Variants in WDPCP observed in about 807,000 individuals in gnomAD.
WDPCP encodes WD repeat containing planar cell polarity effector.
A neutral mutation model predicts 93.1 loss-of-function variants in WDPCP; 71 were observed. The observed-to-expected ratio is 0.76, with a 90% CI of 0.63 to 0.93. The LOEUF (loss-of-function observed/expected upper bound fraction) is 0.93. Ranked by LOEUF, WDPCP falls within the 40% of genes least tolerant of loss-of-function variation. WDPCP has a pLI of 0.00. For synonymous variants in WDPCP, 315 were observed against 315.0 expected, an observed-to-expected ratio of 1.00 and a Z score of 0.00; for missense variants, 844 against 887.4, an observed-to-expected ratio of 0.95 and a Z score of 0.62.
chr2:63,553,057 AT>A (rs1258167164), intron 1 of WDPCP, among the ~76,000 whole-genome samples: 1 of 152,214 alleles, frequency 6.6e-6, no homozygotes, highest in Non-Finnish European at 1.5e-5. Flanking sequence ...AAGGAAAAGC[AT>A]CCAACAGACT....
At chr2:63,176,860 A>G (rs1278591526) in intron 14 of WDPCP, among the ~76,000 whole-genome samples, 2 of 152,062 alleles carry the variant, frequency 1.3e-5, no homozygotes, top group Admixed American at 6.6e-5. Flanking sequence ...GCTTTTCTCT[A>G]ATGTTTTCTT....
intron 1 of WDPCP, among the ~76,000 whole-genome samples, chr2:63,497,422 G>C (rs1489653043): frequency 2.0e-5 from 3 of 152,176 alleles, no homozygotes; most frequent in African/African-American, 7.2e-5. Flanking sequence ...AGGGGGCTTT[G>C]CAAGTGGTCA....
intron 2 of WDPCP, among the ~76,000 whole-genome samples, chr2:63,762,025 C>T (rs149827076): frequency 4.6e-5 from 7 of 152,164 alleles, no homozygotes; most frequent in Non-Finnish European, 7.3e-5. Flanking sequence ...AAAGTCTTAG[C>T]GTGGTTCTTC....
At chr2:63,734,713 A>G (rs1281157427) in intron 2 of WDPCP, among the ~76,000 whole-genome samples, 2 of 152,254 alleles carry the variant, frequency 1.3e-5, no homozygotes, top group African/African-American at 4.8e-5. Context: ...CCATGGCAAA[A>G]TGCATGAAAG....
intron 15 of WDPCP, among the ~76,000 whole-genome samples, chr2:63,169,015 G>A (rs2103960492): frequency 6.6e-6 from 1 of 151,888 alleles, no homozygotes; most frequent in East Asian, 1.9e-4. Context: ...CCAACTATTG[G>A]CTATACAACC....
intron 12 of WDPCP, among the ~76,000 whole-genome samples, chr2:63,330,391 T>C (rs543654822): frequency 2.6e-5 from 4 of 152,344 alleles, no homozygotes; most frequent in African/African-American, 7.2e-5. Flanking sequence ...TTTGGAAAGA[T>C]GTTTATTCAG....
intron 2 of WDPCP, among the ~76,000 whole-genome samples, chr2:63,730,547 T>C (rs1370024333): frequency 3.9e-5 from 6 of 152,114 alleles, no homozygotes; most frequent in South Asian, 4.1e-4. Context: ...CACTGCAACC[T>C]CCTCCTCCCG....
chr2:63,496,558 G>A (rs1161320237), intron 1 of WDPCP, among the ~76,000 whole-genome samples: 2 of 152,162 alleles, frequency 1.3e-5, no homozygotes, highest in African/African-American at 4.8e-5. Flanking sequence ...TTGAACATGG[G>A]AAATCCTGAG....
intron 14 of WDPCP, among the ~76,000 whole-genome samples, chr2:63,210,962 T>C (rs1331819570): frequency 1.3e-5 from 2 of 152,100 alleles, no homozygotes; most frequent in Non-Finnish European, 2.9e-5. Flanking sequence ...GCCAGGAAGC[T>C]CGAAATGGGT....
At chr2:63,579,742 T>C (rs770483511) in intron 1 of WDPCP, among the ~76,000 whole-genome samples, 1 of 146,940 alleles carries the variant, frequency 6.8e-6, no homozygotes, top group Non-Finnish European at 1.5e-5. Context: ...ATTAGATAGG[T>C]AGGTAGGCAG....
intron 13 of WDPCP, among the ~76,000 whole-genome samples, chr2:63,272,371 CTA>C (rs1682732192): frequency 6.6e-6 from 1 of 152,070 alleles, no homozygotes; most frequent in African/African-American, 2.4e-5. Context: ...GAAAGCCAAT[CTA>C]TAAAACTGGA....
At chr2:63,357,383 T>C (rs1690098125) in intron 12 of WDPCP, among the ~76,000 whole-genome samples, 1 of 152,132 alleles carries the variant, frequency 6.6e-6, no homozygotes, top group African/African-American at 2.4e-5. Context: ...GACAAAGGTC[T>C]AACATCCAGC....
At chr2:63,192,119 T>C (rs1490199317) in intron 14 of WDPCP, among the ~76,000 whole-genome samples, 1 of 152,182 alleles carries the variant, frequency 6.6e-6, no homozygotes, top group African/African-American at 2.4e-5. Context: ...TATCCTATCT[T>C]AACATGTTCC....
intron 13 of WDPCP, among the ~76,000 whole-genome samples, chr2:63,302,260 G>C (rs1209690064): frequency 6.6e-6 from 1 of 152,186 alleles, no homozygotes; most frequent in African/African-American, 2.4e-5. Flanking sequence ...TGAGAAGCAG[G>C]CAGCTCTGCA....
chr2:63,229,166 C>A (rs1389759124), intron 14 of WDPCP: 1 of 152,208 alleles, frequency 6.6e-6, no homozygotes, highest in African/African-American at 2.4e-5. Context: ...TTTTGATTTG[C>A]ATTTCTCTGA....
intron 2 of WDPCP, among the ~76,000 whole-genome samples, chr2:63,721,039 AC>A (rs1172226987): frequency 1.3e-5 from 2 of 152,240 alleles, no homozygotes; most frequent in East Asian, 3.8e-4. Context: ...GGACATTTGA[AC>A]AGAAAACCCT....
intron 2 of WDPCP, among the ~76,000 whole-genome samples, chr2:63,713,420 C>T (rs1208766854): frequency 6.6e-6 from 1 of 152,200 alleles, no homozygotes; most frequent in African/African-American, 2.4e-5. Context: ...GGATGAGTAT[C>T]ATTCAGGGCT....
At chr2:63,555,854 A>G (rs530836654) in intron 1 of WDPCP, among the ~76,000 whole-genome samples, 1 of 152,358 alleles carries the variant, frequency 6.6e-6, no homozygotes, top group East Asian at 1.9e-4. Context: ...TGCAAAGGTC[A>G]GCAGCCTCAA....
intron 2 of WDPCP, among the ~76,000 whole-genome samples, chr2:63,730,620 T>C (rs980086842): frequency 6.6e-6 from 1 of 152,102 alleles, no homozygotes; most frequent in Non-Finnish European, 1.5e-5. Context: ...CCCACCACCA[T>C]ACCTGGCTAA....
Sources: gnomAD v4.1 joint callset for allele counts (sites outside exome capture counted in the v4.1 genomes callset) on GRCh38, gnomAD v4.1.1 for gene constraint, MANE v1.5 for transcripts, NCBI Gene and HGNC (gene_info 2026-07-23, HGNC 2026-07-21) for gene names.